Variants in HMCN1 observed in about 807,000 individuals in gnomAD.
HMCN1 encodes the protein hemicentin 1.
In HMCN1, 321 loss-of-function variants were observed where a neutral mutation model predicts 625.9. The observed-to-expected ratio is 0.51, with a 90% CI of 0.47 to 0.56. The LOEUF is 0.56. Ranked by LOEUF, HMCN1 falls within the 20% of genes least tolerant of loss-of-function variation. The probability of loss-of-function intolerance (pLI) is 0.00; values close to 1 mark genes in which losing one functional copy is unlikely to be tolerated. For synonymous variants in HMCN1, 2,425 were observed against 2,417.6 expected, an observed-to-expected ratio of 1.00 and a Z score of -0.09; for missense variants, 6,588 against 6,887.3, an observed-to-expected ratio of 0.96 and a Z score of 1.54.
intron 1 of HMCN1, among the ~76,000 whole-genome samples, chr1:185,827,267 C>G (rs766361110): frequency 3.3e-4 from 49 of 147,952 alleles, no homozygotes; most frequent in Non-Finnish European, 3.1e-4. Context: ...CTAAACAAAA[C>G]AAAGTAGTGT....
intron 1 of HMCN1, among the ~76,000 whole-genome samples, chr1:185,791,123 C>T (rs1657961355): frequency 6.6e-6 from 1 of 152,106 alleles, no homozygotes; most frequent in African/African-American, 2.4e-5. Flanking sequence ...GTCAGAGCTT[C>T]CTACTGTGGG....
At chr1:186,084,304 A>G (rs950506142) in intron 57 of HMCN1, among the ~76,000 whole-genome samples, 2 of 152,106 alleles carry the variant, frequency 1.3e-5, no homozygotes, top group African/African-American at 4.8e-5. Context: ...TTTTCTTCAT[A>G]ATCATTGCCT....
intron 1 of HMCN1, among the ~76,000 whole-genome samples, chr1:185,757,927 T>C (rs1387491565): frequency 1.3e-5 from 2 of 152,182 alleles, no homozygotes; most frequent in Admixed American, 1.3e-4. Context: ...TTATATATCC[T>C]CTACTCCACT....
chr1:186,045,948 T>C (rs1386778167), intron 41 of HMCN1, 85 bp downstream of exon 41: 10 of 966,464 alleles, frequency 1.0e-5, no homozygotes, highest in Non-Finnish European at 1.1e-5. Flanking sequence ...GACTGTCTTT[T>C]ATAAGTGTTG....
At chr1:185,766,235 A>C (rs1224389216) in intron 1 of HMCN1, among the ~76,000 whole-genome samples, 1 of 152,132 alleles carries the variant, frequency 6.6e-6, no homozygotes, top group Admixed American at 6.6e-5. Context: ...TATAATCTGA[A>C]AAGCATGAGA....
At chr1:186,149,831 G>A (rs895445671) in intron 93 of HMCN1, among the ~76,000 whole-genome samples, 2 of 152,102 alleles carry the variant, frequency 1.3e-5, no homozygotes, top group African/African-American at 4.8e-5. Flanking sequence ...AGGGAGGCTC[G>A]AGGAGAGGAA....
At chr1:185,969,586 T>A (rs962685991) in intron 14 of HMCN1, among the ~76,000 whole-genome samples, 1 of 152,168 alleles carries the variant, frequency 6.6e-6, no homozygotes, top group East Asian at 1.9e-4. Flanking sequence ...TTTTGGAGAA[T>A]ACCTTTTCAG....
chr1:185,806,809 G>C (rs954446943), intron 1 of HMCN1, among the ~76,000 whole-genome samples: 2 of 152,064 alleles, frequency 1.3e-5, no homozygotes, highest in African/African-American at 4.8e-5. Context: ...AATGCCCACT[G>C]TGTTTTTATT....
At chr1:185,868,108 G>A (rs1365030031) in intron 4 of HMCN1, among the ~76,000 whole-genome samples, 1 of 151,522 alleles carries the variant, frequency 6.6e-6, no homozygotes, top group Non-Finnish European at 1.5e-5. Flanking sequence ...TAAATTTAAG[G>A]AGAACCATAG....
chr1:185,808,637 G>A (rs988294903), intron 1 of HMCN1, among the ~76,000 whole-genome samples: 10 of 152,084 alleles, frequency 6.6e-5, no homozygotes, highest in African/African-American at 2.4e-4. Context: ...TCTTTTTGTG[G>A]CAATAAACCT....
At chr1:185,822,303 T>A (rs1557995592) in intron 1 of HMCN1, among the ~76,000 whole-genome samples, 1 of 151,628 alleles carries the variant, frequency 6.6e-6, no homozygotes, top group Non-Finnish European at 1.5e-5. Context: ...TGGGGCGGGG[T>A]GGGCAGGAGG....
Position 186,023,054 on chromosome 1 carries a change from C to G in HMCN1, c.5650C>G (p.Gln1884Glu), listed in dbSNP as rs1654820983. The stretch of plus-strand genomic sequence containing the variant: ...GATACAGTCTTCTGGTCGAGTTCTA[C>G]AAATTGCCAAAACCCTGTTGGAAGA... ...LKIQSSGRVL[Q>E]IAKTLLEDAG... Residue 1884 changes from glutamine (Q) to glutamate (E), a missense_variant, in exon 36 of 107, where the codon CAA becomes GAA. Transcript: ENST00000271588. The G allele has an allele frequency of 6.2e-7, 1 of 1,613,296 alleles. No homozygotes were observed. The highest frequency in any genetic ancestry group is 1.7e-5 in the Admixed American group (1 of 59,966).
At chr1:186,016,282 A>G (rs753515345) in intron 32 of HMCN1, 43 bp downstream of exon 32, 35 of 1,559,486 alleles carry the variant, frequency 2.2e-5, no homozygotes, top group Admixed American at 5.1e-5. Flanking sequence ...ATTCATAGCA[A>G]AACCTGATTA....
rs543219991 is a variant in HMCN1, at chr1:185,982,470, T to C, written c.2790+81T>C. 3.0e-6 allele frequency: 4 copies of C among 1,334,010 alleles called. No individual in the cohort carries two copies. The African/African-American group carries it at 5.8e-5, about 19-fold the overall frequency. 82.6% of individuals were successfully genotyped at this position (1,334,010 alleles called of 1,614,324 possible). On this transcript the variant is annotated intron_variant, in intron 18 of 106. Transcript: ENST00000271588. Reference sequence around the variant, plus strand: ...TTTTTTTTTTTTCTTTGAGACAGTTTCATTCTGTCACCTAGGCTGGAGTGC... The same window carrying C: ...TTTTTTTTTTTTCTTTGAGACAGTTCCATTCTGTCACCTAGGCTGGAGTGC...
intron 6 of HMCN1, among the ~76,000 whole-genome samples, chr1:185,912,051 A>G (rs1666454002): frequency 6.6e-6 from 1 of 152,178 alleles, no homozygotes; most frequent in South Asian, 2.1e-4. Flanking sequence ...TTATTTTATT[A>G]TCTACTTCAT....
intron 6 of HMCN1, among the ~76,000 whole-genome samples, chr1:185,916,293 T>G (rs1348161785): frequency 6.6e-6 from 1 of 152,106 alleles, no homozygotes; most frequent in Non-Finnish European, 1.5e-5. Context: ...TAAGAGCAAA[T>G]ACTTTGAAAA....
At chr1:186,048,950 C>G in intron 42 of HMCN1, 111 bp downstream of exon 42, 1 of 708,868 alleles carries the variant, frequency 1.4e-6, no homozygotes. Flanking sequence ...AGATGAACAA[C>G]AATTAGTACA....
chr1:185,911,736 G>A lies in HMCN1; in HGVS notation c.856G>A (p.Val286Ile), dbSNP rs376875658. ...ATTAAATATCCATAACTCTGCCAAAGTAGTGAATGTGAAAGAGCCAGAGGC... is the reference window on the plus strand; with the variant it reads ...ATTAAATATCCATAACTCTGCCAAAATAGTGAATGTGAAAGAGCCAGAGGC... ...ELLNIHNSAK[V>I]VNVKEPEAGM... The change falls in exon 6 of 107, where the codon GTA becomes ATA. Residue 286 changes from valine (V) to isoleucine (I), a missense_variant. Physicochemically the swap from Val to Ile is conservative, Grantham distance 29. Transcript: ENST00000271588. The A allele has an allele frequency of 1.4e-5, 23 of 1,613,480 alleles. No individual in the cohort carries two copies. The highest frequency in any genetic ancestry group is 1.6e-4 in the Middle Eastern group (1 of 6,078).
chr1:186,012,438 C>A (rs1458103214), intron 30 of HMCN1, among the ~76,000 whole-genome samples: 1 of 150,778 alleles, frequency 6.6e-6, no homozygotes, highest in African/African-American at 2.4e-5. Context: ...CTCAAATAAA[C>A]AAGAACAGGT....
Sources: gnomAD v4.1 joint callset for allele counts (sites outside exome capture counted in the v4.1 genomes callset) on GRCh38, gnomAD v4.1.1 for gene constraint, MANE v1.5 for transcripts, NCBI Gene and HGNC (gene_info 2026-07-23, HGNC 2026-07-21) for gene names.